The following HECW2 variants were observed in gnomAD, a reference collection of about 807,000 sequenced individuals.
HECW2 encodes the protein E3 ubiquitin-protein ligase HECW2.
A neutral mutation model predicts 175.2 loss-of-function variants in HECW2; 61 were observed. The ratio of observed to expected loss-of-function variants is 0.35; its 90% CI spans 0.28 to 0.43. HECW2 has a LOEUF of 0.43. Ranked by LOEUF, HECW2 falls within the 20% of genes least tolerant of loss-of-function variation. HECW2 has a pLI of 1.00. For synonymous variants in HECW2, 671 were observed against 731.0 expected, an observed-to-expected ratio of 0.92 and a Z score of 1.32; for missense variants, 1,524 against 2,000.5, an observed-to-expected ratio of 0.76 and a Z score of 4.54.
intron 1 of HECW2, among the ~76,000 whole-genome samples, chr2:196,537,398 A>G (rs1689056612): frequency 6.6e-6 from 1 of 152,148 alleles, no homozygotes; most frequent in Admixed American, 6.5e-5. Flanking sequence ...GGCGAGCTAC[A>G]TTCAAAACGT....
chr2:196,377,684 T>C (rs760547478), intron 2 of HECW2, among the ~76,000 whole-genome samples: 3 of 152,236 alleles, frequency 2.0e-5, no homozygotes, highest in Non-Finnish European at 4.4e-5. Flanking sequence ...AGCCAAACCA[T>C]ATCATGCAGA....
chr2:196,504,295 CAAAA>C (rs371882295), intron 1 of HECW2, among the ~76,000 whole-genome samples: 15 of 94,204 alleles, frequency 1.6e-4, no homozygotes, highest in Non-Finnish European at 2.5e-4. Context: ...AACTCTGTCT[CAAAA>C]AAAAAAAAAA....
chr2:196,261,846 C>T (rs1037708353), intron 17 of HECW2, among the ~76,000 whole-genome samples: 4 of 152,048 alleles, frequency 2.6e-5, no homozygotes, highest in African/African-American at 7.2e-5. Context: ...ATTATAGGTC[C>T]GCAATATTTC....
intron 17 of HECW2, among the ~76,000 whole-genome samples, chr2:196,266,185 A>C (rs78773175): frequency 0.014 from 2,006 of 143,236 alleles, 51 homozygotes; most frequent in African/African-American, 0.051. Flanking sequence ...AAAAAAAAAA[A>C]AACACAAAAC....
At chr2:196,452,062 C>T (rs1323172947) in intron 1 of HECW2, among the ~76,000 whole-genome samples, 1 of 152,112 alleles carries the variant, frequency 6.6e-6, no homozygotes, top group Non-Finnish European at 1.5e-5. Flanking sequence ...CACCAATAGG[C>T]CCAATTCAGG....
intron 14 of HECW2, among the ~76,000 whole-genome samples, chr2:196,282,249 T>C (rs1690215705): frequency 6.6e-6 from 1 of 152,188 alleles, no homozygotes; most frequent in East Asian, 1.9e-4. Flanking sequence ...CAGATGATCC[T>C]TCGTTCTGTC....
At chr2:196,347,988 C>A (rs1693021513) in intron 2 of HECW2, among the ~76,000 whole-genome samples, 1 of 152,258 alleles carries the variant, frequency 6.6e-6, no homozygotes, top group Non-Finnish European at 1.5e-5. Context: ...ATGGCTACTA[C>A]AATCTCTACA....
intron 1 of HECW2, among the ~76,000 whole-genome samples, chr2:196,495,072 C>CTTTT (rs113446687): frequency 6.9e-6 from 1 of 144,264 alleles, no homozygotes; most frequent in South Asian, 2.2e-4. Flanking sequence ...ATATATCATT[C>CTTTT]TTTTTTTTTT....
At chr2:196,381,657 G>C (rs984663436) in intron 2 of HECW2, among the ~76,000 whole-genome samples, 4 of 152,066 alleles carry the variant, frequency 2.6e-5, no homozygotes, top group African/African-American at 9.7e-5. Context: ...ATCAGACCCA[G>C]CTGAGGTTAT....
chr2:196,351,890 T>C (rs1052473220), intron 2 of HECW2, among the ~76,000 whole-genome samples: 1 of 152,124 alleles, frequency 6.6e-6, no homozygotes, highest in African/African-American at 2.4e-5. Flanking sequence ...AGAACACCCC[T>C]TCAGAGGGAC....
rs530920375 is a variant in HECW2, at chr2:196,241,985, G to A, written c.3650+99C>T. On this transcript the variant is annotated intron_variant, in intron 20 of 28. Coordinates refer to ENST00000644978, the MANE Select transcript of HECW2 (RefSeq NM_001348768.2). The stretch of plus-strand genomic sequence containing the variant: ...AAATAATTATGCCGACTAAAATGAA[G>A]GCTAGTCATCCCAAATCACAATCAA... 25 of 1,082,918 alleles carry A rather than the reference G, an allele frequency of 2.3e-5. No homozygotes were observed. The East Asian group carries it at 6.0e-4, about 26-fold the overall frequency. The allele number at this position is 1,082,918 out of a possible 1,614,324, so 67.1% of individuals were successfully genotyped here. A position where few individuals can be genotyped will look rare whatever the true frequency, so the allele number is the denominator to read the frequency against.
At chr2:196,388,066 G>A (rs1160551754) in intron 2 of HECW2, among the ~76,000 whole-genome samples, 4 of 152,080 alleles carry the variant, frequency 2.6e-5, no homozygotes, top group African/African-American at 9.7e-5. Context: ...CAATGTGGGA[G>A]GATTGCTTGA....
At chr2:196,581,670 T>C (rs1346158783) in intron 1 of HECW2, among the ~76,000 whole-genome samples, 1 of 152,208 alleles carries the variant, frequency 6.6e-6, no homozygotes, top group Non-Finnish European at 1.5e-5. Context: ...CACCTACAGA[T>C]AGACTTCCAA....
At chr2:196,399,137 T>C (rs1274622451) in intron 2 of HECW2, among the ~76,000 whole-genome samples, 1 of 152,188 alleles carries the variant, frequency 6.6e-6, no homozygotes, top group Non-Finnish European at 1.5e-5. Context: ...GGTTCTCAGG[T>C]TGAGCATGTA....
intron 1 of HECW2, among the ~76,000 whole-genome samples, chr2:196,447,580 G>GA (rs1176017742): frequency 5.3e-5 from 8 of 152,094 alleles, no homozygotes; most frequent in Admixed American, 2.0e-4. Context: ...AACTTAAAGA[G>GA]AAAAAAATTA....
chr2:196,532,054 G>T (rs919213301), intron 1 of HECW2, among the ~76,000 whole-genome samples: 1 of 152,182 alleles, frequency 6.6e-6, no homozygotes, highest in African/African-American at 2.4e-5. Flanking sequence ...CTAACATTAC[G>T]ATCTTCCCAG....
At chr2:196,309,595 C>CA (rs1388036835) in intron 10 of HECW2, among the ~76,000 whole-genome samples, 1 of 96,276 alleles carries the variant, frequency 1.0e-5, no homozygotes, top group Non-Finnish European at 2.1e-5. Flanking sequence ...TTTTCCATCT[C>CA]AAAAGATTTT....
chr2:196,296,564 G>A (rs1259918637), intron 13 of HECW2, among the ~76,000 whole-genome samples: 1 of 152,188 alleles, frequency 6.6e-6, no homozygotes, highest in East Asian at 1.9e-4. Flanking sequence ...AACTGAACAA[G>A]GGTCTCCTAA....
intron 2 of HECW2, among the ~76,000 whole-genome samples, chr2:196,409,469 G>A (rs1390096808): frequency 2.0e-5 from 3 of 152,088 alleles, no homozygotes; most frequent in Non-Finnish European, 2.9e-5. Context: ...CAAAAGCTGG[G>A]CAGCAGCAAG....
Sources: gnomAD v4.1 joint callset for allele counts (sites outside exome capture counted in the v4.1 genomes callset) on GRCh38, gnomAD v4.1.1 for gene constraint, MANE v1.5 for transcripts, NCBI Gene and HGNC (gene_info 2026-07-23, HGNC 2026-07-21) for gene names.